Variants in PRDM16 observed in about 807,000 individuals in gnomAD.
PRDM16 encodes the protein PR/SET domain 16.
PRDM16 carries 23 observed loss-of-function variants against 110.6 expected under a neutral mutation model. That is an observed-to-expected ratio of 0.21 (90% CI 0.15 to 0.29). The LOEUF (loss-of-function observed/expected upper bound fraction) is 0.29, where lower values mean the gene tolerates loss of function less well. PRDM16 is among the 10% of genes least tolerant of loss of function. PRDM16 has a pLI of 1.00. For synonymous variants in PRDM16, 799 were observed against 781.8 expected (o/e 1.02, Z -0.37); for missense variants, 1,615 against 1,794.3 (o/e 0.90, Z 1.81).
intron 1 of PRDM16, among the ~76,000 whole-genome samples, chr1:3,131,927 C>T (rs1462029177): frequency 1.3e-5 from 2 of 152,240 alleles, no homozygotes; most frequent in Non-Finnish European, 2.9e-5. Flanking sequence ...CCCCATAATA[C>T]TTAAAATGCT....
At chr1:3,158,404 T>C (rs1402700703) in intron 1 of PRDM16, among the ~76,000 whole-genome samples, 2 of 152,242 alleles carry the variant, frequency 1.3e-5, no homozygotes, top group African/African-American at 4.8e-5. Flanking sequence ...AATTTAAATG[T>C]AATTAAATTT....
In PRDM16 at chr1:3,408,312, C is replaced by T. The variant is rs76302438; in HGVS notation, c.1186+2664C>T. Among the ~76,000 whole-genome samples the T allele has an allele frequency of 8.5e-5, 13 of 152,264 alleles. No individual in the cohort carries two copies. The East Asian group carries it at 2.1e-3, about 25-fold the overall frequency. ...TTCCCACCAAGGCGCTCACCTGTGC[C>T]CTGGGCTGTGTACAAACGTGTGTGT... is the stretch of plus-strand genomic sequence containing the variant. On this transcript the variant is annotated intron_variant, in intron 8 of 16. Transcript: ENST00000270722.
chr1:3,214,149 A>G (rs558641424), intron 2 of PRDM16, among the ~76,000 whole-genome samples: 38 of 152,222 alleles, frequency 2.5e-4, no homozygotes, highest in Non-Finnish European at 3.5e-4. Context: ...AAGAGGAGAA[A>G]GTAGTTAATG....
chr1:3,087,243 G>GGAGACCAGCCCCACCT (rs1557436230), intron 1 of PRDM16, among the ~76,000 whole-genome samples: 1 of 72,882 alleles, frequency 1.4e-5, no homozygotes, highest in African/African-American at 5.8e-5. Flanking sequence ...CAGCCCCACC[G>GGAGACCAGCCCCACCT]GAGACCAGCC....
chr1:3,378,815 A>C (rs116676758), intron 3 of PRDM16, among the ~76,000 whole-genome samples: 1 of 152,076 alleles, frequency 6.6e-6, no homozygotes, highest in Non-Finnish European at 1.5e-5. Flanking sequence ...ACCACGGCCC[A>C]GGGCCACTTC....
At chr1:3,162,486 C>T (rs2100742773) in intron 1 of PRDM16, among the ~76,000 whole-genome samples, 1 of 152,318 alleles carries the variant, frequency 6.6e-6, no homozygotes, top group East Asian at 1.9e-4. Context: ...CAGCAGAGCC[C>T]ACTCCTGCCC....
Position 3,425,402 on chromosome 1 carries a change from T to C in PRDM16, c.2940-179T>C. ...AGCCGGGGCTGTTTCTAGGGACAGCTTCCCCAGGATGCCTTTGGCTCTGCA... is the reference window on the plus strand; with the variant it reads ...AGCCGGGGCTGTTTCTAGGGACAGCCTCCCCAGGATGCCTTTGGCTCTGCA... On this transcript the variant is annotated intron_variant, in intron 12 of 16. Transcript: ENST00000270722. The surrounding 1 kb of genome is among the most constrained non-coding windows in gnomAD (Gnocchi z 6.9). 2 of 607,244 alleles carry C rather than the reference T, an allele frequency of 3.3e-6. No homozygotes were observed. The highest frequency in any genetic ancestry group is 5.7e-6 in the Non-Finnish European group (2 of 353,442). 37.6% of individuals were successfully genotyped at this position (607,244 alleles called of 1,614,324 possible). A position where few individuals can be genotyped will look rare whatever the true frequency, so the allele number is the denominator to read the frequency against.
intron 3 of PRDM16, among the ~76,000 whole-genome samples, chr1:3,363,976 G>C (rs1490513968): frequency 6.6e-6 from 1 of 151,752 alleles, no homozygotes; most frequent in Non-Finnish European, 1.5e-5. Context: ...CCCGCCCCCC[G>C]AGCCAGCCCG....
At chr1:3,112,809 C>A (rs776666251) in intron 1 of PRDM16, among the ~76,000 whole-genome samples, 3 of 152,262 alleles carry the variant, frequency 2.0e-5, no homozygotes, top group Non-Finnish European at 2.9e-5. Context: ...TAATTGGAGT[C>A]GCTCAGGGAG....
chr1:3,190,588 G>A lies in PRDM16; in HGVS notation c.387+4114G>A, dbSNP rs1304053816. 5.3e-5 allele frequency among the ~76,000 whole-genome samples: 8 copies of A among 152,142 alleles called. No individual in the cohort carries two copies. The highest frequency in any genetic ancestry group is 1.2e-4 in the Non-Finnish European group (8 of 68,028). ...TGCATGGCTGTGTGTGTGCCCCAGG[G>A]GTGTGTGGAAACGGCCCCCTGGGCT... On this transcript the variant is annotated intron_variant, in intron 2 of 16. Coordinates refer to ENST00000270722, the MANE Select transcript of PRDM16 (RefSeq NM_022114.4). The surrounding 1 kb of genome is among the most constrained non-coding windows in gnomAD (Gnocchi z 5.0).
At position 3,186,143 on chromosome 1, in the gene PRDM16, A is replaced by G. The variant is rs1274428779; in HGVS notation, c.56A>G (p.Asn19Ser). The G allele has an allele frequency of 1.2e-6, 2 of 1,612,606 alleles. No individual in the cohort carries two copies. Residue 19 changes from asparagine to serine, a missense_variant, in exon 2 of 17, where the codon AAT becomes AGT. Physicochemically the swap from Asn to Ser is conservative, Grantham distance 46. This residue lies in a region of PRDM16 where 416 missense variants were observed against 467.1 expected (regional missense o/e 0.89). Coordinates refer to ENST00000270722, the MANE Select transcript of PRDM16 (RefSeq NM_022114.4). ...KLAKSDGDVV[N>S]NMYEPNRDLL... ...CCTTTAGGTGACGGTGACGTTGTAA[A>G]TAATATGTATGAGCCCAACCGGGAC...
Position 3,186,275 on chromosome 1 carries a change from A to G in PRDM16, c.188A>G (p.Lys63Arg). Residue 63 changes from lysine to arginine, a missense_variant, in exon 2 of 17, where the codon AAG becomes AGG. Transcript: ENST00000270722. ...PFPTSEDFTP[K>R]EGSPYEAPVY... ...CCCACCAGCGAGGACTTCACCCCCA[A>G]GGAGGGCTCGCCGTACGAGGCCCCT... 1 of 1,611,824 alleles carries G rather than the reference A, an allele frequency of 6.2e-7. No homozygotes were observed. Among genetic ancestry groups the G allele is most frequent in the Non-Finnish European group, 8.5e-7 (1 of 1,179,428 alleles).
chr1:3,187,030 C>A (rs918243037), intron 2 of PRDM16, among the ~76,000 whole-genome samples: 1 of 152,238 alleles, frequency 6.6e-6, no homozygotes, highest in Admixed American at 6.5e-5. Flanking sequence ...AATTTTCCCA[C>A]CACGACGTGA....
In PRDM16 at chr1:3,438,613, C is replaced by A. The variant is rs537905379; in HGVS notation, c.*4802C>A. 13 of 184,332 alleles carry A rather than the reference C, an allele frequency of 7.1e-5. No individual in the cohort carries two copies. Among genetic ancestry groups the A allele is most frequent in the Non-Finnish European group, 1.4e-4 (12 of 86,924 alleles). The allele number at this position is 184,332 out of a possible 1,614,324, so 11.4% of individuals were successfully genotyped here. On this transcript the variant is annotated 3_prime_UTR_variant, in exon 17 of 17. Coordinates refer to ENST00000270722, the MANE Select transcript of PRDM16 (RefSeq NM_022114.4). ...GATTGATATGCAATAAATCTGTGTG[C>A]TTTTCTAAGCCTCGGTGCCCGCGAG...
rs947863770 is a variant in PRDM16 at position 3,426,222 on chromosome 1, A to G, written c.3281A>G (p.Lys1094Arg). ...AACCAAGCATCAACGCGAACAGAGA[A>G]ACGGTAAGAAAACTATCGCGGGCTG... ...EMNQASTRTE[K>R]RADMQIVDGS... is the part of the protein sequence containing the mutation. Residue 1094 changes from lysine (K) to arginine (R), a missense_variant, in exon 14 of 17, where the codon AAA (lysine) becomes AGA (arginine). Physicochemically the swap from Lys to Arg is conservative, Grantham distance 26. Coordinates refer to ENST00000270722, the MANE Select transcript of PRDM16 (RefSeq NM_022114.4). 16 of 1,612,290 alleles carry G rather than the reference A, an allele frequency of 9.9e-6. 1 individual carries two copies. In the Middle Eastern group the frequency reaches 4.9e-4, roughly 50 times the overall value.
In PRDM16 at chr1:3,433,872, C is replaced by A; in HGVS notation, c.*61C>A. ...GGGCACCAGCCACGAAGGACGGAGG[C>A]GGGCGGGGCCCCGGAGAACCCTGTC... On this transcript the variant is annotated 3_prime_UTR_variant, in exon 17 of 17. Transcript: ENST00000270722. 1 of 1,586,920 alleles carries A rather than the reference C, an allele frequency of 6.3e-7. No homozygotes were observed. Among genetic ancestry groups the A allele is most frequent in the South Asian group, 1.1e-5 (1 of 88,910 alleles).
intron 2 of PRDM16, among the ~76,000 whole-genome samples, chr1:3,202,514 G>A (rs191865026): frequency 9.9e-5 from 15 of 152,272 alleles, no homozygotes; most frequent in Middle Eastern, 3.4e-3. Context: ...ACACCTGCTC[G>A]AGCCTAAGTA....
intron 5 of PRDM16, among the ~76,000 whole-genome samples, chr1:3,401,379 C>G (rs1039957537): frequency 6.6e-6 from 1 of 152,212 alleles, no homozygotes; most frequent in Non-Finnish European, 1.5e-5. Flanking sequence ...CTCATGAAGA[C>G]TCTGCTCAAT....
At chr1:3,324,879 T>C (rs926620266) in intron 3 of PRDM16, among the ~76,000 whole-genome samples, 2 of 152,130 alleles carry the variant, frequency 1.3e-5, no homozygotes, top group Non-Finnish European at 2.9e-5. Context: ...CACAGAACCC[T>C]GCCCTGGGCC....
Sources: gnomAD v4.1 joint callset for allele counts (sites outside exome capture counted in the v4.1 genomes callset) on GRCh38, gnomAD v4.1.1 for gene constraint, gnomAD v4.1.1 regional missense constraint, Gnocchi (gnomAD v3.1) non-coding constraint, MANE v1.5 for transcripts, NCBI Gene and HGNC (gene_info 2026-07-23, HGNC 2026-07-21) for gene names.